DCDC1: variants seen among roughly 807,000 people sequenced by gnomAD.
The protein encoded by DCDC1 is doublecortin domain containing 1, also known as doublecortin domain-containing protein 1.
DCDC1 carries 200 observed loss-of-function variants against 178.3 expected under a neutral mutation model. That is an observed-to-expected ratio of 1.12 (90% CI 1.00 to 1.26). DCDC1 has a LOEUF of 1.26. Ranked by LOEUF, DCDC1 falls within the 50% of genes most tolerant of loss-of-function variation. The pLI is 0.00. For missense variants in DCDC1, 1,983 were observed against 1,749.2 expected, an observed-to-expected ratio of 1.13 and a Z score of -2.38; for synonymous variants, 690 against 604.8, an observed-to-expected ratio of 1.14 and a Z score of -2.07.
rs587458 is a variant in DCDC1 at position 30,887,512 on chromosome 11, A to G, written c.5082+5306T>C. On this transcript the variant is annotated intron_variant, in intron 36 of 38. Coordinates refer to ENST00000684477, the MANE Select transcript of DCDC1 (RefSeq NM_001387274.1). ...CTAAAGTGTTCAAGCCAGATTCCTTAGCAGACCAAATATGTTGGCATTGAA... is the reference window on the plus strand; with the variant it reads ...CTAAAGTGTTCAAGCCAGATTCCTTGGCAGACCAAATATGTTGGCATTGAA... 3.4e-3 allele frequency among the ~76,000 whole-genome samples: 514 copies of G among 152,320 alleles called. 2 individuals are homozygous for G. The highest frequency in any genetic ancestry group is 0.012 in the African/African-American group (501 of 41,570).
chr11:31,351,025 TAAA>T (rs1170837329), intron 1 of DCDC1, among the ~76,000 whole-genome samples: 2 of 151,996 alleles, frequency 1.3e-5, no homozygotes, highest in African/African-American at 4.8e-5. Context: ...TATTAAGTCA[TAAA>T]AACAGGAGAC....
chr11:31,002,235 A>G (rs1219757783), intron 20 of DCDC1, among the ~76,000 whole-genome samples: 1 of 152,218 alleles, frequency 6.6e-6, no homozygotes, highest in Non-Finnish European at 1.5e-5. Flanking sequence ...TATCCAATGC[A>G]GAAGTAATTG....
intron 9 of DCDC1, among the ~76,000 whole-genome samples, chr11:31,208,302 C>T (rs1016310417): frequency 6.6e-6 from 1 of 152,178 alleles, no homozygotes; most frequent in Non-Finnish European, 1.5e-5. Context: ...CTCAGGCTAA[C>T]CCCAGAAGTA....
rs1461903883 is a variant in DCDC1, at chr11:31,123,697, A to AG, written c.1485+3771dup. Among the ~76,000 whole-genome samples the AG allele has an allele frequency of 7.9e-5, 12 of 152,128 alleles. No individual in the cohort carries two copies. The South Asian group carries it at 1.4e-3, about 18-fold the overall frequency. ...TGTTGCAAAGGAGAAACCTGAGAAG[A>AG]GAGGAAGCAGAAGCAAATGGAGCTG... On this transcript the variant is annotated intron_variant, in intron 11 of 38. Transcript: ENST00000684477.
intron 7 of DCDC1, among the ~76,000 whole-genome samples, chr11:31,282,747 T>A (rs1269852849): frequency 6.6e-6 from 1 of 152,138 alleles, no homozygotes; most frequent in Non-Finnish European, 1.5e-5. Flanking sequence ...ATAGTTTAGG[T>A]CTGCTGGACA....
intron 8 of DCDC1, among the ~76,000 whole-genome samples, chr11:31,247,921 A>G (rs1385147393): frequency 6.6e-6 from 1 of 152,092 alleles, no homozygotes; most frequent in Non-Finnish European, 1.5e-5. Flanking sequence ...AATGTAAAAT[A>G]ATTGGTTTGG....
chr11:31,096,725 T>C (rs907131515), intron 15 of DCDC1, among the ~76,000 whole-genome samples: 6 of 151,926 alleles, frequency 3.9e-5, no homozygotes, highest in Admixed American at 3.3e-4. Flanking sequence ...CTGCCAAGTC[T>C]GGAGTTCTGA....
At chr11:30,985,714 G>C (rs1026887736) in intron 20 of DCDC1, among the ~76,000 whole-genome samples, 10 of 152,138 alleles carry the variant, frequency 6.6e-5, no homozygotes, top group Non-Finnish European at 1.3e-4. Flanking sequence ...TTTGCCACAG[G>C]TGAAGAGGCT....
Position 31,235,196 on chromosome 11 carries a change from ATAAATT to A in DCDC1, c.1221+6248_1221+6253del, listed in dbSNP as rs148619820. On this transcript the variant is annotated intron_variant, in intron 9 of 38. Transcript: ENST00000684477. ...ATAAATTTTTGGTCAGAAAATAAAA[ATAAATT>A]TAGGTTATAATCATTTCCATTTTTT... 7.0e-3 allele frequency among the ~76,000 whole-genome samples: 1,060 copies of A among 152,268 alleles called. 13 individuals are homozygous for A. The highest frequency in any genetic ancestry group is 0.024 in the African/African-American group (1,006 of 41,566).
chr11:31,321,621 C>A (rs1565606219), intron 3 of DCDC1, among the ~76,000 whole-genome samples: 2 of 152,124 alleles, frequency 1.3e-5, no homozygotes, highest in African/African-American at 4.8e-5. Flanking sequence ...TCTTCTGCGT[C>A]GCTCACGCTG....
At chr11:31,242,548 C>A (rs1475533203) in intron 8 of DCDC1, among the ~76,000 whole-genome samples, 2 of 151,782 alleles carry the variant, frequency 1.3e-5, no homozygotes, top group Non-Finnish European at 2.9e-5. Context: ...CTTAAACATG[C>A]AAAATAACTA....
At chr11:31,092,075 G>A (rs1591015371) in intron 16 of DCDC1, among the ~76,000 whole-genome samples, 1 of 152,254 alleles carries the variant, frequency 6.6e-6, no homozygotes. Context: ...TACTTAGTGA[G>A]TCAACACAAC....
rs1487456506 is a variant in DCDC1, at chr11:31,099,071, T to C, written c.1983+3106A>G. Among the ~76,000 whole-genome samples, 3 of 152,222 alleles carry C rather than the reference T, an allele frequency of 2.0e-5. No homozygotes were observed. In the East Asian group the frequency reaches 5.8e-4, roughly 29 times the overall value. On this transcript the variant is annotated intron_variant, in intron 15 of 38. Coordinates refer to ENST00000684477, the MANE Select transcript of DCDC1 (RefSeq NM_001387274.1). Reference sequence around the variant, plus strand: ...CATTTTAGAAAATAGATTTATCTTGTTATAGTTAACCCACTTTGACATAAA... The same window carrying C: ...CATTTTAGAAAATAGATTTATCTTGCTATAGTTAACCCACTTTGACATAAA...
intron 9 of DCDC1, among the ~76,000 whole-genome samples, chr11:31,223,643 C>T (rs1185537131): frequency 1.3e-5 from 2 of 151,966 alleles, no homozygotes; most frequent in East Asian, 3.9e-4. Flanking sequence ...TATGTTCATA[C>T]AATAAAATGA....
chr11:31,273,895 CAGAG>C (rs759079291), intron 7 of DCDC1, among the ~76,000 whole-genome samples: 1 of 152,208 alleles, frequency 6.6e-6, no homozygotes, highest in Non-Finnish European at 1.5e-5. Flanking sequence ...TGGCAGCAAG[CAGAG>C]AGAGAGCTTG....
At chr11:30,886,018 G>GT (rs1174674785) in intron 36 of DCDC1, among the ~76,000 whole-genome samples, 1 of 151,916 alleles carries the variant, frequency 6.6e-6, no homozygotes, top group Non-Finnish European at 1.5e-5. Flanking sequence ...TGAAAATAAT[G>GT]TTTTTTTAAG....
At chr11:31,022,292 C>G (rs1358555241) in intron 20 of DCDC1, among the ~76,000 whole-genome samples, 1 of 152,118 alleles carries the variant, frequency 6.6e-6, no homozygotes, top group Non-Finnish European at 1.5e-5. Flanking sequence ...TTACAAGCTG[C>G]AGCACTTCAA....
rs2761592 is a variant in DCDC1 at position 31,306,219 on chromosome 11, G to A, written c.591+13C>T. Reference sequence around the variant, plus strand: ...AAAAAATAAAGCACAGAAAACTTTGGAACACTAGTTACCAAGGTGATGGTT... The same window carrying A: ...AAAAAATAAAGCACAGAAAACTTTGAAACACTAGTTACCAAGGTGATGGTT... On this transcript the variant is annotated intron_variant, in intron 5 of 38. Coordinates refer to ENST00000684477, the MANE Select transcript of DCDC1 (RefSeq NM_001387274.1). The A allele has an allele frequency of 0.38, 566,438 of 1,478,298 alleles. 111,547 individuals are homozygous for A. Among genetic ancestry groups the A allele is most frequent in the African/African-American group, 0.47 (32,529 of 69,324 alleles). 91.6% of individuals were successfully genotyped at this position (1,478,298 alleles called of 1,614,324 possible). A position where few individuals can be genotyped will look rare whatever the true frequency, so the allele number is the denominator to read the frequency against.
intron 29 of DCDC1, 49 bp from the exon 30 acceptor site, chr11:30,906,774 A>C (rs1326503711): frequency 6.6e-7 from 1 of 1,521,670 alleles, no homozygotes; most frequent in South Asian, 1.3e-5. Context: ...CTAAATTGTT[A>C]TAGCATTGCT....
Sources: allele counts gnomAD v4.1 joint callset (sites outside exome capture counted in the v4.1 genomes callset), GRCh38; gene constraint gnomAD v4.1.1; transcripts MANE v1.5; gene names NCBI Gene and HGNC (gene_info 2026-07-23, HGNC 2026-07-21).